Variants in C13orf46 observed in about 807,000 individuals in gnomAD.
C13orf46 encodes the protein chromosome 13 open reading frame 46.
At chr13:113,957,237 G>T (rs1770214373) in intron 6 of C13orf46, among the ~76,000 whole-genome samples, 1 of 146,228 alleles carries the variant, frequency 6.8e-6, no homozygotes, top group Non-Finnish European at 1.5e-5. Flanking sequence ...CAAGCGCACT[G>T]GGGGTCTCCC....
intron 1 of C13orf46, among the ~76,000 whole-genome samples, chr13:113,971,429 TG>T (rs1284445724): frequency 6.6e-6 from 1 of 151,922 alleles, no homozygotes; most frequent in Non-Finnish European, 1.5e-5. Flanking sequence ...AAGCCACGAG[TG>T]GGGCCCAGAG....
At chr13:113,967,092 C>T (rs1466306493) in intron 5 of C13orf46, among the ~76,000 whole-genome samples, 2 of 152,118 alleles carry the variant, frequency 1.3e-5, no homozygotes, top group East Asian at 3.8e-4. Context: ...TAACCCAGGC[C>T]CCAGAGTCTC....
intron 5 of C13orf46, among the ~76,000 whole-genome samples, chr13:113,966,268 C>CA (rs1407099853): frequency 9.6e-6 from 1 of 104,608 alleles, no homozygotes; most frequent in Non-Finnish European, 2.0e-5. Flanking sequence ...ATGATGGTGA[C>CA]AGTGATGGTG....
chr13:113,945,750 A>G, the C13orf46 span, among the ~76,000 whole-genome samples: 1 of 152,210 alleles, frequency 6.6e-6, no homozygotes, highest in South Asian at 2.1e-4. Flanking sequence ...GTAAACGAAA[A>G]TGTAGCTCAT....
intron 6 of C13orf46, among the ~76,000 whole-genome samples, chr13:113,957,082 C>A (rs2052541452): frequency 6.6e-6 from 1 of 150,996 alleles, no homozygotes; most frequent in African/African-American, 2.4e-5. Flanking sequence ...TTTCATCAAG[C>A]ACACTGGGGG....
In C13orf46 at chr13:113,954,811, CGAGGAGCATCCGGTGGAGAT is replaced by C. The variant is rs1211603753; in HGVS notation, c.*1942_*1961del. 1,004 of 192,088 alleles carry C rather than the reference CGAGGAGCATCCGGTGGAGAT, an allele frequency of 5.2e-3. 3 individuals carry two copies. The highest frequency in any genetic ancestry group is 0.019 in the African/African-American group (783 of 40,958). The allele number at this position is 192,088 out of a possible 1,614,324, so 11.9% of individuals were successfully genotyped here. ...GGAGACGAGGAGCAGCTGGTGGAGACGAGGAGCATCCGGTGGAGATGAGGAGCATCCGGTGGAGATGAGGA... is the reference window on the plus strand; with the variant it reads ...GGAGACGAGGAGCAGCTGGTGGAGACGAGGAGCATCCGGTGGAGATGAGGA... On this transcript the variant is annotated 3_prime_UTR_variant, in exon 7 of 7. Coordinates refer to ENST00000636427, the MANE Select transcript of C13orf46 (RefSeq NM_001365455.2).
the C13orf46 span, among the ~76,000 whole-genome samples, chr13:113,930,407 C>T: frequency 7.7e-5 from 9 of 117,256 alleles, no homozygotes; most frequent in Admixed American, 4.9e-4. Flanking sequence ...GAGGCGGGGG[C>T]GCAGGAGCAC....
the C13orf46 span, among the ~76,000 whole-genome samples, chr13:113,939,475 G>T: frequency 6.6e-6 from 1 of 152,168 alleles, no homozygotes; most frequent in East Asian, 1.9e-4. Context: ...CACCTGGACG[G>T]GGGGAACGGG....
At chr13:113,957,761 C>A (rs1246436730) in intron 6 of C13orf46, among the ~76,000 whole-genome samples, 1 of 126,212 alleles carries the variant, frequency 7.9e-6, no homozygotes, top group African/African-American at 3.1e-5. Flanking sequence ...TTTCATCAAG[C>A]GCACTGGGAG....
At chr13:113,937,762 G>A in the C13orf46 span, among the ~76,000 whole-genome samples, 5 of 152,186 alleles carry the variant, frequency 3.3e-5, no homozygotes, top group Non-Finnish European at 7.3e-5. Context: ...AGGTAGATAA[G>A]AGACAAACGG....
At chr13:113,963,466 C>G (rs2052607056) in intron 6 of C13orf46, among the ~76,000 whole-genome samples, 21 of 113,160 alleles carry the variant, frequency 1.9e-4, no homozygotes, top group Non-Finnish European at 3.4e-4. Context: ...AGCTTCACCC[C>G]TGTCCTCAGC....
chr13:113,960,156 T>C (rs2052576095), intron 6 of C13orf46, among the ~76,000 whole-genome samples: 1 of 151,868 alleles, frequency 6.6e-6, no homozygotes, highest in Admixed American at 6.6e-5. Context: ...ACTTGGGAGC[T>C]GAGGCAGGAG....
At chr13:113,950,196 T>G (rs1163058014), downstream of C13orf46, among the ~76,000 whole-genome samples, 6 of 110,042 alleles carry the variant, frequency 5.5e-5, no homozygotes, top group Non-Finnish European at 1.1e-4. Flanking sequence ...TAGAGTGGGG[T>G]CCTCACCCCC....
the C13orf46 span, among the ~76,000 whole-genome samples, chr13:113,943,339 A>G: frequency 6.6e-6 from 1 of 152,228 alleles, no homozygotes. Context: ...CGGCTCAGAA[A>G]GGCAGGGCAA....
At chr13:113,962,989 A>C (rs1019555354) in intron 6 of C13orf46, among the ~76,000 whole-genome samples, 1 of 152,162 alleles carries the variant, frequency 6.6e-6, no homozygotes, top group Non-Finnish European at 1.5e-5. Flanking sequence ...GTTCTCGAGG[A>C]CTTTCTCTCT....
chr13:113,951,672 C>A (rs1417836264), downstream of C13orf46, among the ~76,000 whole-genome samples: 2 of 152,224 alleles, frequency 1.3e-5, no homozygotes, highest in Non-Finnish European at 1.5e-5. Flanking sequence ...CTGCATTCAT[C>A]CCCCTGCTCC....
the C13orf46 span, among the ~76,000 whole-genome samples, chr13:113,935,009 T>C: frequency 6.6e-6 from 1 of 152,352 alleles, no homozygotes; most frequent in Middle Eastern, 3.4e-3. Context: ...CCTGGCCTTC[T>C]TCCCTTCCAT....
chr13:113,945,579 G>GAAAGAAAGAA, the C13orf46 span, among the ~76,000 whole-genome samples: 5 of 103,564 alleles, frequency 4.8e-5, no homozygotes, highest in African/African-American at 1.8e-4. Context: ...GAAAGAAAGA[G>GAAAGAAAGAA]AGAGAGAGAG....
the C13orf46 span, among the ~76,000 whole-genome samples, chr13:113,940,460 C>T: frequency 6.6e-6 from 1 of 152,278 alleles, no homozygotes; most frequent in East Asian, 1.9e-4. Flanking sequence ...CTGGTCTCCT[C>T]TAGGACTCCA....
Sources: gnomAD v4.1 joint callset for allele counts (sites outside exome capture counted in the v4.1 genomes callset) on GRCh38, gnomAD v4.1.1 for gene constraint, MANE v1.5 for transcripts, NCBI Gene and HGNC (gene_info 2026-07-23, HGNC 2026-07-21) for gene names.